Variants in HTT observed in about 807,000 individuals in gnomAD.
HTT encodes huntington disease protein.
A neutral mutation model predicts 362.3 loss-of-function variants in HTT; 104 were observed. That is an observed-to-expected ratio of 0.29 (90% CI 0.24 to 0.34). The LOEUF is 0.34. HTT is among the 10% of genes least tolerant of loss of function. HTT has a pLI of 1.00. For synonymous variants in HTT, 1,577 were observed against 1,548.7 expected, an observed-to-expected ratio of 1.02 and a Z score of -0.43; for missense variants, 3,301 against 3,928.6, an observed-to-expected ratio of 0.84 and a Z score of 4.27.
chr4:3,145,998 A>C (rs911687022), intron 24 of HTT, among the ~76,000 whole-genome samples: 1 of 152,246 alleles, frequency 6.6e-6, no homozygotes, highest in African/African-American at 2.4e-5. Context: ...AAAGTTAAAA[A>C]TCCGTTCAAG....
At chr4:3,098,312 C>T (rs560566421) in intron 2 of HTT, among the ~76,000 whole-genome samples, 28 of 152,172 alleles carry the variant, frequency 1.8e-4, no homozygotes, top group African/African-American at 6.0e-4. Context: ...GCCTCTTAGG[C>T]TCATTGCTAT....
At chr4:3,103,080 C>T (rs1233475236) in intron 3 of HTT, among the ~76,000 whole-genome samples, 1 of 151,924 alleles carries the variant, frequency 6.6e-6, no homozygotes, top group East Asian at 1.9e-4. Flanking sequence ...TATAAGTACA[C>T]CCACAGTGCT....
intron 23 of HTT, 52 bp from the exon 24 acceptor site, chr4:3,145,100 C>A: frequency 4.6e-6 from 6 of 1,304,620 alleles, no homozygotes; most frequent in South Asian, 1.2e-5. Flanking sequence ...AGATATAATT[C>A]AATAAACCTT....
At chr4:3,183,079 G>T (rs995167470) in intron 37 of HTT, among the ~76,000 whole-genome samples, 1 of 152,126 alleles carries the variant, frequency 6.6e-6, no homozygotes, top group Non-Finnish European at 1.5e-5. Flanking sequence ...ATGAGGTCTC[G>T]CTGTGTTGCC....
At chr4:3,214,777 G>A (rs953364835) in intron 50 of HTT, among the ~76,000 whole-genome samples, 1 of 151,978 alleles carries the variant, frequency 6.6e-6, no homozygotes, top group Non-Finnish European at 1.5e-5. Flanking sequence ...CTACTTAAAA[G>A]CCAGACTTCT....
intron 22 of HTT, among the ~76,000 whole-genome samples, chr4:3,140,863 G>A (rs989108749): frequency 2.0e-5 from 3 of 152,240 alleles, no homozygotes; most frequent in Non-Finnish European, 4.4e-5. Context: ...CAATCACTCA[G>A]CTGTGACACT....
chr4:3,112,670 G>A (rs1714817956), intron 6 of HTT, among the ~76,000 whole-genome samples: 1 of 152,204 alleles, frequency 6.6e-6, no homozygotes, highest in Non-Finnish European at 1.5e-5. Context: ...TCACTGGGTT[G>A]TTTCTAGTTC....
chr4:3,217,136 C>T (rs1249241915), intron 51 of HTT, among the ~76,000 whole-genome samples: 7 of 152,150 alleles, frequency 4.6e-5, no homozygotes, highest in Non-Finnish European at 7.3e-5. Flanking sequence ...TGTAGAATCT[C>T]GTGGCCTGTG....
intron 33 of HTT, 77 bp downstream of exon 33, chr4:3,175,184 A>G (rs1484698148): frequency 1.2e-5 from 16 of 1,331,880 alleles, no homozygotes; most frequent in Non-Finnish European, 1.7e-5. Context: ...ACTGAAATCT[A>G]CTTTAAAGAA....
intron 12 of HTT, chr4:3,129,495 A>G (rs1715693476): frequency 6.2e-6 from 1 of 161,594 alleles, no homozygotes; most frequent in African/African-American, 2.4e-5. Flanking sequence ...ATGGCTAAAC[A>G]TATGAAATAC....
intron 40 of HTT, among the ~76,000 whole-genome samples, chr4:3,196,232 T>G (rs1719251939): frequency 6.6e-6 from 1 of 152,128 alleles, no homozygotes; most frequent in African/African-American, 2.4e-5. Flanking sequence ...TGAATCCTTC[T>G]CATGAGCCTC....
At chr4:3,216,741 A>G (rs549961567) in intron 51 of HTT, among the ~76,000 whole-genome samples, 50 of 152,258 alleles carry the variant, frequency 3.3e-4, no homozygotes, top group East Asian at 2.5e-3. Context: ...ATAAATATTA[A>G]TAGGCCGGGC....
chr4:3,225,025 G>A (rs1008615835), intron 56 of HTT, among the ~76,000 whole-genome samples: 5 of 152,172 alleles, frequency 3.3e-5, no homozygotes, highest in African/African-American at 1.2e-4. Context: ...GGGCGTGGAG[G>A]CCCCTTTGGA....
chr4:3,171,594 C>T (rs1350880071), intron 29 of HTT, among the ~76,000 whole-genome samples: 1 of 151,966 alleles, frequency 6.6e-6, no homozygotes, highest in Admixed American at 6.6e-5. Flanking sequence ...TCTCCTGCCT[C>T]AGCCTCTCAA....
Position 3,199,919 on chromosome 4 carries a change from A to G in HTT, c.5556A>G (p.Ala1852=). ...ACCACACCGACTACCGCTGGTGGGC[A>G]GAAGTGCAGCAGACCCCGAAGTAGG... ...LVNHTDYRWW[A]EVQQTPKRHS... Residue 1852 remains alanine, a synonymous_variant, in exon 41 of 67, where the codon GCA becomes GCG. Coordinates refer to ENST00000355072, the MANE Select transcript of HTT (RefSeq NM_001388492.1). 1 of 1,613,938 alleles carries G rather than the reference A, an allele frequency of 6.2e-7. No individual in the cohort carries two copies. Among genetic ancestry groups the G allele is most frequent in the Non-Finnish European group, 8.5e-7 (1 of 1,179,884 alleles).
intron 29 of HTT, among the ~76,000 whole-genome samples, chr4:3,168,181 A>G (rs1717801943): frequency 6.6e-6 from 1 of 152,340 alleles, no homozygotes; most frequent in Non-Finnish European, 1.5e-5. Flanking sequence ...GGCAGCTGGA[A>G]AGATATCCAG....
intron 30 of HTT, among the ~76,000 whole-genome samples, 158 bp downstream of exon 30, chr4:3,172,555 G>A (rs1445996938): frequency 6.6e-6 from 1 of 152,174 alleles, no homozygotes; most frequent in Non-Finnish European, 1.5e-5. Context: ...TGAGCCAAGA[G>A]GCCATCCTTC....
chr4:3,188,972 T>A lies in HTT; in HGVS notation c.5247T>A (p.Gly1749=). 6.2e-7 allele frequency: 1 copy of A among 1,614,180 alleles called. No individual in the cohort carries two copies. Among genetic ancestry groups the A allele is most frequent in the Non-Finnish European group, 8.5e-7 (1 of 1,179,976 alleles). ...TFSRFLLQLV[G]ILLEDIVTKQ... is the part of the protein sequence containing the mutation. ...GAAGGTTTCTATTACAACTGGTTGG[T>A]ATTCTTTTAGAAGACATTGTTACAA... Residue 1749 remains glycine (G), a synonymous_variant, in exon 40 of 67, where the codon GGT becomes GGA. Coordinates refer to ENST00000355072, the MANE Select transcript of HTT (RefSeq NM_001388492.1).
At chr4:3,229,253 C>T (rs917296251) in intron 59 of HTT, among the ~76,000 whole-genome samples, 1 of 142,464 alleles carries the variant, frequency 7.0e-6, no homozygotes, top group African/African-American at 2.6e-5. Flanking sequence ...CACGCCACAC[C>T]ACATGCACCA....
Sources: gnomAD v4.1 joint callset for allele counts (sites outside exome capture counted in the v4.1 genomes callset) on GRCh38, gnomAD v4.1.1 for gene constraint, MANE v1.5 for transcripts, NCBI Gene and HGNC (gene_info 2026-07-23, HGNC 2026-07-21) for gene names.